The following SEMA3A variants were observed in gnomAD, a reference collection of about 807,000 sequenced individuals.
The protein encoded by SEMA3A is semaphorin 3A, also known as semaphorin-3A.
In SEMA3A, 29 loss-of-function variants were observed where a neutral mutation model predicts 97.9. The observed-to-expected ratio is 0.30, with a 90% CI of 0.22 to 0.40. The LOEUF (loss-of-function observed/expected upper bound fraction) is 0.40, where lower values mean the gene tolerates loss of function less well. Among genes scored for constraint, SEMA3A ranks in the 10% least tolerant of loss-of-function variants. SEMA3A has a pLI of 1.00. For missense variants in SEMA3A, 763 were observed against 951.3 expected (o/e 0.80, Z 2.60); for synonymous variants, 321 against 323.7 (o/e 0.99, Z 0.09).
intron 3 of SEMA3A, among the ~76,000 whole-genome samples, chr7:84,268,265 G>GTT (rs1800057662): frequency 6.6e-6 from 1 of 151,092 alleles, no homozygotes; most frequent in Non-Finnish European, 1.5e-5. Context: ...GTGTGTGTGT[G>GTT]TGTGTGTGTG....
At chr7:84,346,046 T>C (rs1454215636) in intron 2 of SEMA3A, among the ~76,000 whole-genome samples, 1 of 152,236 alleles carries the variant, frequency 6.6e-6, no homozygotes, top group East Asian at 1.9e-4. Flanking sequence ...GATAACTTGC[T>C]GCAGCTTTTA....
At chr7:84,392,956 T>A (rs1362566784) in intron 1 of SEMA3A, among the ~76,000 whole-genome samples, 1 of 152,154 alleles carries the variant, frequency 6.6e-6, no homozygotes, top group Non-Finnish European at 1.5e-5. Context: ...CCTTATCAGA[T>A]GTATGACTTG....
Position 84,162,622 on chromosome 7 carries a change from C to T in SEMA3A, c.113-27671G>A, listed in dbSNP as rs555486477. Among the ~76,000 whole-genome samples, 505 of 152,112 alleles carry T rather than the reference C, an allele frequency of 3.3e-3. 1 individual carries two copies. The highest frequency in any genetic ancestry group is 0.011 in the African/African-American group (472 of 41,494). On this transcript the variant is annotated intron_variant, in intron 1 of 16. Transcript: ENST00000265362. Reference sequence around the variant, plus strand: ...AAAAATAGATATGATTTGCTTAAAACACTTTTCAAAACACAAGTAGCAGCT... The same window carrying T: ...AAAAATAGATATGATTTGCTTAAAATACTTTTCAAAACACAAGTAGCAGCT...
At chr7:84,065,715 A>G (rs1477740376) in intron 4 of SEMA3A, among the ~76,000 whole-genome samples, 2 of 152,172 alleles carry the variant, frequency 1.3e-5, no homozygotes. Context: ...CCAAGACTAA[A>G]CCAGGAAGAA....
intron 2 of SEMA3A, among the ~76,000 whole-genome samples, chr7:84,344,326 T>C (rs1384077856): frequency 6.6e-6 from 1 of 152,132 alleles, no homozygotes; most frequent in African/African-American, 2.4e-5. Flanking sequence ...CACAAAATGG[T>C]TGACAGGCAT....
rs560592209 is a variant in SEMA3A at position 84,374,197 on chromosome 7, C to T, written c.-245-2297G>A. 6.6e-5 allele frequency among the ~76,000 whole-genome samples: 10 copies of T among 152,262 alleles called. No homozygotes were observed. In the South Asian group the frequency reaches 1.7e-3, roughly 25 times the overall value. ...AAGTTGGTAATTGATTTGTGAAAGA[C>T]AGTATGTATCAAAAATGTGAATGTG... On this transcript the variant is annotated intron_variant, in intron 1 of 3. Coordinates refer to the SEMA3A transcript ENST00000424555.
chr7:84,286,493 G>A (rs971768574), intron 3 of SEMA3A, among the ~76,000 whole-genome samples: 7 of 152,076 alleles, frequency 4.6e-5, no homozygotes, highest in South Asian at 2.1e-4. Flanking sequence ...AAAGAAAACC[G>A]TATTTAAAGC....
chr7:84,350,822 C>A (rs999303149), intron 2 of SEMA3A, among the ~76,000 whole-genome samples: 1 of 152,064 alleles, frequency 6.6e-6, no homozygotes. Flanking sequence ...TTGTCTTTAT[C>A]TCTCATTTAT....
At chr7:84,214,884 A>G (rs1798710096) in intron 3 of SEMA3A, among the ~76,000 whole-genome samples, 1 of 150,994 alleles carries the variant, frequency 6.6e-6, no homozygotes, top group Non-Finnish European at 1.5e-5. Context: ...TATTTTTCAT[A>G]GAGATGGGGT....
At chr7:84,070,361 T>C (rs1311784953) in intron 4 of SEMA3A, among the ~76,000 whole-genome samples, 1 of 152,150 alleles carries the variant, frequency 6.6e-6, no homozygotes, top group Non-Finnish European at 1.5e-5. Flanking sequence ...ATAATAACTG[T>C]GCTAATGTCT....
intron 3 of SEMA3A, among the ~76,000 whole-genome samples, chr7:84,298,126 C>A (rs960317084): frequency 1.3e-5 from 2 of 152,106 alleles, no homozygotes; most frequent in African/African-American, 4.8e-5. Context: ...AGAACTGATT[C>A]ATCACTGGTA....
chr7:84,437,502 A>G (rs1373052247), intron 1 of SEMA3A, among the ~76,000 whole-genome samples: 1 of 151,534 alleles, frequency 6.6e-6, no homozygotes, highest in Non-Finnish European at 1.5e-5. Flanking sequence ...TTATTTAAAA[A>G]CATTATAAAT....
chr7:84,015,695 T>A (rs1451248261), intron 6 of SEMA3A, among the ~76,000 whole-genome samples: 1 of 152,218 alleles, frequency 6.6e-6, no homozygotes, highest in Non-Finnish European at 1.5e-5. Flanking sequence ...TTTATCCACA[T>A]ATAATCCAAG....
At chr7:84,016,772 G>C (rs1791122585) in intron 6 of SEMA3A, among the ~76,000 whole-genome samples, 1 of 152,108 alleles carries the variant, frequency 6.6e-6, no homozygotes, top group African/African-American at 2.4e-5. Flanking sequence ...AAACAAATTT[G>C]TAAAATGTTA....
At chr7:84,483,568 C>T (rs1806498109) in intron 1 of SEMA3A, among the ~76,000 whole-genome samples, 1 of 152,218 alleles carries the variant, frequency 6.6e-6, no homozygotes, top group Non-Finnish European at 1.5e-5. Flanking sequence ...TGTTGGACTA[C>T]TTAAGGACTG....
At chr7:84,490,353 T>C (rs915697472) in intron 1 of SEMA3A, among the ~76,000 whole-genome samples, 2 of 152,152 alleles carry the variant, frequency 1.3e-5, no homozygotes, top group African/African-American at 4.8e-5. Flanking sequence ...AAAATCATTA[T>C]CTTTTTGAGT....
At chr7:84,454,197 A>G (rs1461940931) in intron 1 of SEMA3A, among the ~76,000 whole-genome samples, 1 of 151,996 alleles carries the variant, frequency 6.6e-6, no homozygotes, top group Non-Finnish European at 1.5e-5. Context: ...TTTGGGGAAT[A>G]TTTTCTCTCT....
chr7:84,066,871 C>T (rs542907536), intron 4 of SEMA3A, among the ~76,000 whole-genome samples: 2 of 152,230 alleles, frequency 1.3e-5, no homozygotes, highest in South Asian at 4.1e-4. Context: ...GATTGAATGC[C>T]ATCCCCGTCA....
chr7:84,198,707 C>CACCT (rs1798292828), upstream of SEMA3A, among the ~76,000 whole-genome samples: 1 of 152,180 alleles, frequency 6.6e-6, no homozygotes, highest in Admixed American at 6.5e-5. Context: ...CGTGGAGTTA[C>CACCT]ATTTCAGCAG....
Sources: gnomAD v4.1 joint callset for allele counts (sites outside exome capture counted in the v4.1 genomes callset) on GRCh38, gnomAD v4.1.1 for gene constraint, MANE v1.5 for transcripts, NCBI Gene and HGNC (gene_info 2026-07-23, HGNC 2026-07-21) for gene names.